The following PLB1 variants were observed in gnomAD, a reference collection of about 807,000 sequenced individuals.
The protein encoded by PLB1 is phospholipase B1, also known as phospholipase B1, membrane-associated.
A neutral mutation model predicts 227.4 loss-of-function variants in PLB1; 242 were observed. The observed-to-expected ratio is 1.06, with a 90% CI of 0.96 to 1.18. The LOEUF is 1.18. PLB1 is among the 50% of genes most tolerant of loss of function. The pLI is 0.00. For missense variants in PLB1, 1,858 were observed against 1,816.3 expected (o/e 1.02, Z -0.42); for synonymous variants, 757 against 682.2 (o/e 1.11, Z -1.71).
intron 14 of PLB1, among the ~76,000 whole-genome samples, chr2:28,544,697 T>C (rs367860941): frequency 2.8e-4 from 42 of 151,346 alleles, no homozygotes; most frequent in African/African-American, 9.9e-4. Flanking sequence ...GGAGAGCCCA[T>C]GAAGAGGGGA....
chr2:28,574,342 C>CA (rs1678536886), intron 21 of PLB1, among the ~76,000 whole-genome samples: 4 of 99,484 alleles, frequency 4.0e-5, no homozygotes, highest in Admixed American at 2.4e-4. Context: ...CCTCACCCCC[C>CA]CCACCCTTCC....
intron 29 of PLB1, among the ~76,000 whole-genome samples, chr2:28,590,838 G>A (rs920165684): frequency 5.3e-5 from 8 of 152,148 alleles, no homozygotes; most frequent in African/African-American, 1.9e-4. Flanking sequence ...GGTTGGAAGA[G>A]GGGAGGGTGG....
At chr2:28,509,847 G>T (rs1668032159) in intron 1 of PLB1, among the ~76,000 whole-genome samples, 1 of 152,278 alleles carries the variant, frequency 6.6e-6, no homozygotes, top group African/African-American at 2.4e-5. Flanking sequence ...GCACCTTGGG[G>T]TACTGTGGGA....
chr2:28,633,159 C>T lies in PLB1; in HGVS notation c.4098+120C>T, dbSNP rs1017211682. 5.2e-6 allele frequency: 4 copies of T among 773,688 alleles called. No individual in the cohort carries two copies. In the Admixed American group the frequency reaches 9.1e-5, roughly 18 times the overall value. The allele number at this position is 773,688 out of a possible 1,614,324, so 47.9% of individuals were successfully genotyped here. On this transcript the variant is annotated intron_variant, in intron 56 of 57. Coordinates refer to ENST00000327757, the MANE Select transcript of PLB1 (RefSeq NM_153021.5). ...CCTTTCTCCCCAAAGCCCAAAGTGG[C>T]AGCACACCTTATTGGTCCTGATAGA...
rs367557336 is a variant in PLB1 at position 28,541,810 on chromosome 2, C to T, written c.878C>T (p.Ser293Leu). The T allele has an allele frequency of 1.4e-5, 22 of 1,607,814 alleles. No homozygotes were observed. Among genetic ancestry groups the T allele is most frequent in the Non-Finnish European group, 1.8e-5 (21 of 1,174,628 alleles). ...TATGAGACCACCCCATCTCTACACT[C>T]GGTAAGTGGGGGCTGCATGGCGTAT... ...FFYETTPSLH[S>L]EDPRLQDSTT... The change falls in exon 13 of 58, where the codon TCG (serine) becomes TTG (leucine). Residue 293 changes from serine (S) to leucine (L), a missense_variant and splice_region_variant. Transcript: ENST00000327757.
intron 6 of PLB1, among the ~76,000 whole-genome samples, chr2:28,529,034 A>C (rs926580786): frequency 1.4e-5 from 2 of 142,046 alleles, no homozygotes; most frequent in South Asian, 2.2e-4. Flanking sequence ...TGCAGTCTTG[A>C]CCTCCTGGGC....
At chr2:28,563,675 T>C (rs6760259) in intron 18 of PLB1, among the ~76,000 whole-genome samples, 101,313 of 151,880 alleles carry the variant, frequency 0.67, 34,723 homozygotes, top group Non-Finnish European at 0.75. Flanking sequence ...TCCCAGACCC[T>C]GCAAAGCACT....
At chr2:28,628,264 G>A (rs13013006) in intron 51 of PLB1, among the ~76,000 whole-genome samples, 9,471 of 152,256 alleles carry the variant, frequency 0.062, 362 homozygotes, top group Non-Finnish European at 0.091. Context: ...TGGGACTGCC[G>A]AGAGCCAAGG....
intron 35 of PLB1, 25 bp downstream of exon 35, chr2:28,598,785 G>T: frequency 6.3e-7 from 1 of 1,580,250 alleles, no homozygotes; most frequent in Non-Finnish European, 8.7e-7. Flanking sequence ...GAGGGAGGGA[G>T]CCTGCAGAGC....
intron 9 of PLB1, among the ~76,000 whole-genome samples, chr2:28,535,512 A>G (rs1355574767): frequency 6.6e-6 from 1 of 152,134 alleles, no homozygotes; most frequent in African/African-American, 2.4e-5. Flanking sequence ...CTCCCCGTTT[A>G]AGCTAATCCT....
At chr2:28,575,778 C>G (rs1403895234) in intron 21 of PLB1, among the ~76,000 whole-genome samples, 3 of 152,146 alleles carry the variant, frequency 2.0e-5, no homozygotes, top group South Asian at 2.1e-4. Context: ...GTCTCGATCT[C>G]CTGACCTCAT....
chr2:28,585,886 G>T, intron 26 of PLB1, 44 bp downstream of exon 26: 1 of 1,485,232 alleles, frequency 6.7e-7, no homozygotes, highest in South Asian at 1.1e-5. Flanking sequence ...ACTGCTGTGT[G>T]ATTCGATTGC....
intron 16 of PLB1, 42 bp downstream of exon 16, chr2:28,550,126 C>T (rs767142397): frequency 2.7e-6 from 4 of 1,470,530 alleles, no homozygotes; most frequent in Non-Finnish European, 2.8e-6. Flanking sequence ...TGCAGATGAA[C>T]CAGGGGCTGT....
At chr2:28,631,045 T>A (rs138265511) in intron 54 of PLB1, among the ~76,000 whole-genome samples, 1 of 151,634 alleles carries the variant, frequency 6.6e-6, no homozygotes, top group African/African-American at 2.4e-5. Flanking sequence ...TCCCAGCTAC[T>A]CAGGAGGCTG....
At chr2:28,547,585 G>T (rs1196843045) in intron 14 of PLB1, among the ~76,000 whole-genome samples, 2 of 152,204 alleles carry the variant, frequency 1.3e-5, no homozygotes, top group Non-Finnish European at 2.9e-5. Flanking sequence ...CCTCATGGAG[G>T]TTGGTAGAAG....
Position 28,602,875 on chromosome 2 carries a change from C to T in PLB1, c.2728C>T (p.Gln910Ter). Residue 910 changes from glutamine to a stop codon, truncating the protein, a stop_gained, in exon 39 of 58, where the codon CAG becomes TAG. Transcript: ENST00000327757. LOFTEE classifies it high-confidence loss of function. ...VDFLNPTIMR[Q>*]VFLGNPDKCP... The stretch of plus-strand genomic sequence containing the variant: ...CTTCCTGAACCCCACTATCATGCGG[C>T]AGGTGTTCCTGGGAAACCCAGACAA... The T allele has an allele frequency of 6.2e-7, 1 of 1,614,188 alleles. No homozygotes were observed. The highest frequency in any genetic ancestry group is 8.5e-7 in the Non-Finnish European group (1 of 1,180,020).
At chr2:28,584,660 C>G (rs570001729) in intron 25 of PLB1, among the ~76,000 whole-genome samples, 39 of 152,342 alleles carry the variant, frequency 2.6e-4, no homozygotes, top group Non-Finnish European at 1.9e-4. Flanking sequence ...CTCCTGCCAC[C>G]TCTGCAGTGC....
intron 49 of PLB1, among the ~76,000 whole-genome samples, chr2:28,623,168 G>A (rs6547862): frequency 0.5 from 75,479 of 152,046 alleles, 20,232 homozygotes; most frequent in East Asian, 0.9. Flanking sequence ...TAAAAGATGG[G>A]AAAAGTCAAT....
At chr2:28,522,608 C>T (rs578199005) in intron 4 of PLB1, among the ~76,000 whole-genome samples, 4 of 152,254 alleles carry the variant, frequency 2.6e-5, no homozygotes, top group South Asian at 4.1e-4. Context: ...CTCCGCCCAG[C>T]GTTGGTCTCT....
Sources: allele counts gnomAD v4.1 joint callset (sites outside exome capture counted in the v4.1 genomes callset), GRCh38; gene constraint gnomAD v4.1.1; transcripts MANE v1.5; gene names NCBI Gene and HGNC (gene_info 2026-07-23, HGNC 2026-07-21).